Variants in STIM2 observed in about 807,000 individuals in gnomAD.
The protein encoded by STIM2 is stromal interaction molecule 2.
A neutral mutation model predicts 85.8 loss-of-function variants in STIM2; 31 were observed. The observed-to-expected ratio is 0.36, with a 90% CI of 0.27 to 0.49. The LOEUF (loss-of-function observed/expected upper bound fraction) is 0.49, where lower values mean the gene tolerates loss of function less well. Ranked by LOEUF, STIM2 falls within the 20% of genes least tolerant of loss-of-function variation. The pLI is 0.98. For missense variants in STIM2, 841 were observed against 927.6 expected (o/e 0.91, Z 1.21); for synonymous variants, 356 against 331.1 (o/e 1.08, Z -0.82).
intron 1 of STIM2, among the ~76,000 whole-genome samples, chr4:26,904,544 A>G (rs748478922): frequency 1.3e-5 from 2 of 152,158 alleles, no homozygotes; most frequent in Non-Finnish European, 2.9e-5. Flanking sequence ...ATGAGAAATG[A>G]GATTGTCCAT....
At chr4:27,019,399 G>T (rs1157818917) in intron 11 of STIM2, 2 of 1,288,596 alleles carry the variant, frequency 1.6e-6, no homozygotes, top group Non-Finnish European at 1.0e-6. Context: ...TGTCTTTGCA[G>T]TATGATCATA....
chr4:26,987,656 T>C (rs1361184935), intron 3 of STIM2, among the ~76,000 whole-genome samples: 1 of 152,184 alleles, frequency 6.6e-6, no homozygotes, highest in Non-Finnish European at 1.5e-5. Flanking sequence ...TTCCAAGTTG[T>C]AGGAATCACC....
chr4:26,899,074 C>CTA (rs1179656912), intron 1 of STIM2, among the ~76,000 whole-genome samples: 2 of 151,692 alleles, frequency 1.3e-5, no homozygotes, highest in African/African-American at 4.8e-5. Context: ...TCACTAATGG[C>CTA]TGTATTTTGC....
intron 3 of STIM2, among the ~76,000 whole-genome samples, chr4:26,973,441 T>G (rs1358723891): frequency 1.3e-5 from 2 of 152,210 alleles, no homozygotes; most frequent in African/African-American, 4.8e-5. Flanking sequence ...ATGTTGTATC[T>G]TTGTTCTCAT....
At chr4:26,934,241 T>C (rs1204139629) in intron 2 of STIM2, among the ~76,000 whole-genome samples, 1 of 152,088 alleles carries the variant, frequency 6.6e-6, no homozygotes, top group African/African-American at 2.4e-5. Context: ...AAAAATGAGA[T>C]AAAATTAAAT....
intron 4 of STIM2, among the ~76,000 whole-genome samples, chr4:26,996,642 A>G (rs1727970012): frequency 6.6e-6 from 1 of 152,174 alleles, no homozygotes; most frequent in East Asian, 1.9e-4. Flanking sequence ...ATAAGTACTT[A>G]CTGAATATCT....
rs772850099 is a variant in STIM2 at position 27,022,586 on chromosome 4, C to T, written c.1831C>T (p.Pro611Ser). ...TTCCATTGGAAGGAAACAGTCTCCT[C>T]CTTTAAGCCTCGAGATATACCAAAC... Residue 611 changes from proline (P) to serine (S), a missense_variant, in exon 12 of 12, where the codon CCT becomes TCT. Pro to Ser is a moderately conservative substitution (Grantham distance 74). Around this residue, in one of 3 missense-constraint regions of STIM2, gnomAD observed 293 missense variants for 284.5 expected, o/e 1.03. Coordinates refer to ENST00000467087, the MANE Select transcript of STIM2 (RefSeq NM_020860.4). 2 of 1,613,344 alleles carry T rather than the reference C, an allele frequency of 1.2e-6. No homozygotes were observed. Among genetic ancestry groups the T allele is most frequent in the African/African-American group, 1.3e-5 (1 of 75,042 alleles).
At chr4:26,905,346 T>C (rs1374210072) in intron 1 of STIM2, among the ~76,000 whole-genome samples, 1 of 152,138 alleles carries the variant, frequency 6.6e-6, no homozygotes, top group Non-Finnish European at 1.5e-5. Flanking sequence ...CGAGGGTGTT[T>C]GTAGGTGGGT....
intron 2 of STIM2, among the ~76,000 whole-genome samples, chr4:26,941,294 G>A (rs955461898): frequency 6.6e-6 from 1 of 151,898 alleles, no homozygotes; most frequent in Non-Finnish European, 1.5e-5. Context: ...CTTGTTTTTT[G>A]TATTTTCTTC....
At chr4:27,016,948 C>T (rs945299331) in intron 10 of STIM2, among the ~76,000 whole-genome samples, 1 of 152,166 alleles carries the variant, frequency 6.6e-6, no homozygotes, top group Non-Finnish European at 1.5e-5. Flanking sequence ...TACTGGGGAG[C>T]GAAGCCACCC....
At chr4:27,018,006 C>T (rs983763451) in intron 11 of STIM2, 22 bp downstream of exon 11, 4 of 1,612,092 alleles carry the variant, frequency 2.5e-6, no homozygotes, top group African/African-American at 2.7e-5. Context: ...GAATAATCTA[C>T]AGGGCATGTT....
At chr4:26,944,808 C>T (rs902680561) in intron 2 of STIM2, among the ~76,000 whole-genome samples, 6 of 152,064 alleles carry the variant, frequency 3.9e-5, no homozygotes, top group Admixed American at 1.3e-4. Flanking sequence ...TAACTCTATG[C>T]GTATGTATTC....
intron 1 of STIM2, among the ~76,000 whole-genome samples, chr4:26,904,528 G>A (rs1252353338): frequency 2.0e-5 from 3 of 152,212 alleles, no homozygotes; most frequent in Non-Finnish European, 4.4e-5. Flanking sequence ...TTATAGGCAC[G>A]ATAACATGAG....
At chr4:26,946,511 T>C (rs1398859600) in intron 2 of STIM2, among the ~76,000 whole-genome samples, 1 of 152,238 alleles carries the variant, frequency 6.6e-6, no homozygotes, top group African/African-American at 2.4e-5. Context: ...CTTCTCTGTG[T>C]GAGGGGCCTC....
In STIM2 at chr4:26,968,450, G is replaced by A. The variant is rs368799019; in HGVS notation, c.397+10724G>A. ...AAAAATATTGCGGGATTCTACTTCC[G>A]TGAGGTACTTAGAGTAGTCAGAATC... On this transcript the variant is annotated intron_variant, in intron 3 of 11. Transcript: ENST00000467087. Among the ~76,000 whole-genome samples the A allele has an allele frequency of 3.9e-4, 60 of 152,296 alleles. 1 individual carries two copies. The South Asian group carries it at 0.012, about 31-fold the overall frequency.
intron 2 of STIM2, among the ~76,000 whole-genome samples, chr4:26,933,167 CT>C (rs1311810165): frequency 6.7e-6 from 1 of 148,814 alleles, no homozygotes; most frequent in East Asian, 2.0e-4. Context: ...CACTTCTAGT[CT>C]GCAGAACTGC....
At chr4:26,951,390 G>T (rs1726046794) in intron 2 of STIM2, among the ~76,000 whole-genome samples, 1 of 152,134 alleles carries the variant, frequency 6.6e-6, no homozygotes, top group Non-Finnish European at 1.5e-5. Flanking sequence ...GCGTGGCACT[G>T]TTGGGTTCCC....
intron 4 of STIM2, among the ~76,000 whole-genome samples, chr4:26,996,289 A>G (rs1218107748): frequency 6.6e-6 from 1 of 152,104 alleles, no homozygotes; most frequent in Non-Finnish European, 1.5e-5. Flanking sequence ...TGAAGGATTT[A>G]AATGTCAAAA....
intron 1 of STIM2, among the ~76,000 whole-genome samples, chr4:26,868,325 G>T (rs556245017): frequency 6.6e-6 from 1 of 152,152 alleles, no homozygotes; most frequent in African/African-American, 2.4e-5. Flanking sequence ...TATGGATCTT[G>T]ACCTCTGTGT....
Sources: allele counts gnomAD v4.1 joint callset (sites outside exome capture counted in the v4.1 genomes callset), GRCh38; gene constraint gnomAD v4.1.1; regional missense constraint gnomAD v4.1.1; transcripts MANE v1.5; gene names NCBI Gene and HGNC (gene_info 2026-07-23, HGNC 2026-07-21).